The following ARHGAP25 variants were observed in gnomAD, a reference collection of about 807,000 sequenced individuals.
ARHGAP25 encodes Rho GTPase activating protein 25.
A neutral mutation model predicts 71.0 loss-of-function variants in ARHGAP25; 34 were observed. That is an observed-to-expected ratio of 0.48 (90% confidence interval 0.36 to 0.64). The LOEUF (loss-of-function observed/expected upper bound fraction) is 0.64, where lower values mean the gene tolerates loss of function less well. Ranked by LOEUF, ARHGAP25 falls within the 30% of genes least tolerant of loss-of-function variation. The pLI is 0.00. For synonymous variants in ARHGAP25, 282 were observed against 296.5 expected (o/e 0.95, Z 0.50); for missense variants, 706 against 805.1 (o/e 0.88, Z 1.49).
chr2:68,763,642 T>A (rs561494375), intron 1 of ARHGAP25, among the ~76,000 whole-genome samples: 2 of 152,344 alleles, frequency 1.3e-5, no homozygotes, highest in Non-Finnish European at 2.9e-5. Flanking sequence ...ACTAGTTTTT[T>A]AAATATTGAA....
chr2:68,779,284 A>G (rs2104384045), intron 2 of ARHGAP25, among the ~76,000 whole-genome samples: 1 of 152,342 alleles, frequency 6.6e-6, no homozygotes, highest in African/African-American at 2.4e-5. Context: ...CACTGAACTC[A>G]GAGTTGAGAA....
At chr2:68,810,470 T>C (rs1267667013) in intron 5 of ARHGAP25, among the ~76,000 whole-genome samples, 1 of 152,212 alleles carries the variant, frequency 6.6e-6, no homozygotes, top group African/African-American at 2.4e-5. Flanking sequence ...GCATGGCTTG[T>C]CAGGATTATT....
intron 2 of ARHGAP25, among the ~76,000 whole-genome samples, chr2:68,775,971 A>G (rs1215080388): frequency 6.6e-6 from 1 of 152,234 alleles, no homozygotes; most frequent in Non-Finnish European, 1.5e-5. Context: ...AGGATGAGCT[A>G]GCAGATGTCA....
At chr2:68,764,284 T>G (rs1366065568) in intron 1 of ARHGAP25, among the ~76,000 whole-genome samples, 3 of 152,210 alleles carry the variant, frequency 2.0e-5, no homozygotes, top group Non-Finnish European at 4.4e-5. Flanking sequence ...GCTTCTGGAT[T>G]GTTTTCAGTT....
intron 1 of ARHGAP25, among the ~76,000 whole-genome samples, chr2:68,752,456 C>G (rs1330373561): frequency 6.6e-6 from 1 of 152,162 alleles, no homozygotes; most frequent in East Asian, 1.9e-4. Context: ...ATTGTTATCT[C>G]ATAGATAAAT....
At position 68,826,073 on chromosome 2, in the gene ARHGAP25, T is replaced by C; in HGVS notation, c.1820T>C (p.Leu607Pro). ...LEKEKKKSAA[L>P]EISLRNMERS... is the part of the protein sequence containing the mutation. ...AAGGAAAAGAAGAAGTCTGCAGCCC[T>C]AGAGATCAGCCTCCGCAACATGGAG... The change falls in exon 11 of 11, where the codon CTA (leucine) becomes CCA (proline). Residue 607 changes from leucine (L) to proline (P), a missense_variant. Physicochemically the swap from Leu to Pro is moderately conservative, Grantham distance 98. Transcript: ENST00000409202. 1 of 1,614,024 alleles carries C rather than the reference T, an allele frequency of 6.2e-7. No individual in the cohort carries two copies. The highest frequency in any genetic ancestry group is 8.5e-7 in the Non-Finnish European group (1 of 1,179,980).
chr2:68,725,818 G>A (rs903766840), intron 2 of ARHGAP25, among the ~76,000 whole-genome samples: 1 of 152,092 alleles, frequency 6.6e-6, no homozygotes, highest in Non-Finnish European at 1.5e-5. Context: ...GGGGTCTCTT[G>A]AAGTGCTAGG....
rs867616327 is a variant in ARHGAP25 at position 68,725,321 on chromosome 2, T to A, written c.-18+14623T>A. ...CCACAGCGATCTTTTATTATTTTATTATAATAATAATAATAATTATTGAAA... is the reference window on the plus strand; with the variant it reads ...CCACAGCGATCTTTTATTATTTTATAATAATAATAATAATAATTATTGAAA... On this transcript the variant is annotated intron_variant and NMD_transcript_variant, in intron 2 of 7. Coordinates refer to the ARHGAP25 transcript ENST00000463483. Among the ~76,000 whole-genome samples the A allele has an allele frequency of 1.6e-4, 24 of 152,024 alleles. 1 individual carries two copies. The highest frequency in any genetic ancestry group is 3.1e-4 in the African/African-American group (13 of 41,482).
At chr2:68,757,304 A>G (rs1355175831) in intron 1 of ARHGAP25, among the ~76,000 whole-genome samples, 1 of 152,154 alleles carries the variant, frequency 6.6e-6, no homozygotes, top group Non-Finnish European at 1.5e-5. Context: ...CATGAATATA[A>G]ACATCCAAGA....
chr2:68,787,733 T>C (rs1420805465), intron 3 of ARHGAP25, 107 bp from the exon 4 acceptor site: 15 of 839,086 alleles, frequency 1.8e-5, no homozygotes, highest in South Asian at 7.0e-5. Flanking sequence ...TGGCTGGTAG[T>C]GCTTCATTGA....
At chr2:68,793,159 T>C (rs956555985) in intron 4 of ARHGAP25, among the ~76,000 whole-genome samples, 2 of 152,226 alleles carry the variant, frequency 1.3e-5, no homozygotes, top group African/African-American at 4.8e-5. Context: ...GAGCTCCTTG[T>C]AGATTCTGGA....
intron 4 of ARHGAP25, 43 bp from the exon 5 acceptor site, chr2:68,807,230 G>A (rs781351214): frequency 6.2e-7 from 1 of 1,603,848 alleles, no homozygotes; most frequent in Admixed American, 1.7e-5. Flanking sequence ...TTCATCCAAG[G>A]AAGCACAGAA....
intron 1 of ARHGAP25, among the ~76,000 whole-genome samples, chr2:68,746,901 G>A (rs548963448): frequency 6.6e-6 from 1 of 151,506 alleles, no homozygotes; most frequent in Non-Finnish European, 1.5e-5. Context: ...CCACCTACTC[G>A]GGAGGCTGAG....
At position 68,795,026 on chromosome 2, in the gene ARHGAP25, T is replaced by A. The variant is rs1420265958; in HGVS notation, c.466+7070T>A. ...GGAGGTATATGTTTCTAGGAATTTA[T>A]CCATTTCCTCTAGGTTTTCTAGTTT... On this transcript the variant is annotated intron_variant, in intron 4 of 10. Coordinates refer to ENST00000409202, the MANE Select transcript of ARHGAP25 (RefSeq NM_001007231.3). 7.9e-5 allele frequency among the ~76,000 whole-genome samples: 12 copies of A among 152,324 alleles called. No individual in the cohort carries two copies. The East Asian group carries it at 2.3e-3, about 29-fold the overall frequency.
Position 68,726,879 on chromosome 2 carries a change from G to C in ARHGAP25, c.-18+16181G>C, listed in dbSNP as rs1472614416. 3.3e-5 allele frequency among the ~76,000 whole-genome samples: 5 copies of C among 151,304 alleles called. No individual in the cohort carries two copies. In the East Asian group the frequency reaches 7.8e-4, roughly 24 times the overall value. Reference sequence around the variant, plus strand: ...TGCCAGGTCTGCCTCTGCTGAGCTTGCAAAAAGGCATAGTCCTATTGCACA... The same window carrying C: ...TGCCAGGTCTGCCTCTGCTGAGCTTCCAAAAAGGCATAGTCCTATTGCACA... On this transcript the variant is annotated intron_variant and NMD_transcript_variant, in intron 2 of 7. Coordinates refer to the ARHGAP25 transcript ENST00000463483.
At chr2:68,787,695 G>A in intron 3 of ARHGAP25, 145 bp from the exon 4 acceptor site, 2 of 695,018 alleles carry the variant, frequency 2.9e-6, no homozygotes, top group Non-Finnish European at 5.2e-6. Context: ...TTCCACTGAG[G>A]ATAATTCGAC....
intron 10 of ARHGAP25, 88 bp from the exon 11 acceptor site, chr2:68,825,899 A>G: frequency 8.6e-7 from 1 of 1,163,314 alleles, no homozygotes; most frequent in East Asian, 2.5e-5. Context: ...ATTTGAAAGG[A>G]AAATGAGCAG....
chr2:68,736,311 G>A (rs140311700), intron 1 of ARHGAP25, among the ~76,000 whole-genome samples: 24 of 152,288 alleles, frequency 1.6e-4, no homozygotes, highest in East Asian at 9.6e-4. Flanking sequence ...GGAGATTAGC[G>A]TTCCCTAATC....
intron 2 of ARHGAP25, among the ~76,000 whole-genome samples, chr2:68,717,891 T>TA (rs1276755841): frequency 6.6e-6 from 1 of 152,208 alleles, no homozygotes; most frequent in Non-Finnish European, 1.5e-5. Context: ...TTAATATTCA[T>TA]AAAAAGAGCT....
Sources: gnomAD v4.1 joint callset for allele counts (sites outside exome capture counted in the v4.1 genomes callset) on GRCh38, gnomAD v4.1.1 for gene constraint, MANE v1.5 for transcripts, NCBI Gene and HGNC (gene_info 2026-07-23, HGNC 2026-07-21) for gene names.